Variants in VTI1A observed in about 807,000 individuals in gnomAD.
VTI1A encodes the protein vesicle transport through interaction with t-SNAREs homolog 1A.
VTI1A carries 22 observed loss-of-function variants against 34.9 expected under a neutral mutation model. That is an observed-to-expected ratio of 0.63 (90% confidence interval 0.45 to 0.90). The LOEUF is 0.90. Ranked by LOEUF, VTI1A falls within the 40% of genes least tolerant of loss-of-function variation. The pLI is 0.00. For synonymous variants in VTI1A, 87 were observed against 97.3 expected, an observed-to-expected ratio of 0.89 and a Z score of 0.62; for missense variants, 268 against 275.6, an observed-to-expected ratio of 0.97 and a Z score of 0.20.
At chr10:112,506,679 A>G (rs1261609600) in intron 3 of VTI1A, among the ~76,000 whole-genome samples, 1 of 152,124 alleles carries the variant, frequency 6.6e-6, no homozygotes, top group African/African-American at 2.4e-5. Flanking sequence ...TATTTACCCA[A>G]GTATTTACTC....
chr10:112,666,554 T>C (rs1289605947), intron 5 of VTI1A, among the ~76,000 whole-genome samples: 3 of 152,158 alleles, frequency 2.0e-5, no homozygotes, highest in Non-Finnish European at 4.4e-5. Flanking sequence ...TGGCACACAG[T>C]GGGGATTCAA....
chr10:112,722,626 T>C (rs1849853554), intron 7 of VTI1A, among the ~76,000 whole-genome samples: 1 of 152,184 alleles, frequency 6.6e-6, no homozygotes. Context: ...ATTTGTTTTT[T>C]AGTTTTGCAA....
At chr10:112,835,635 T>C in the VTI1A span, among the ~76,000 whole-genome samples, 7 of 152,350 alleles carry the variant, frequency 4.6e-5, no homozygotes, top group African/African-American at 1.7e-4. Context: ...GTTTTTTTCA[T>C]GTTTAAGGTT....
In VTI1A at chr10:112,770,785, T is replaced by C. The variant is rs192754227; in HGVS notation, c.561-44505T>C. Among the ~76,000 whole-genome samples, 238 of 152,184 alleles carry C rather than the reference T, an allele frequency of 1.6e-3. 4 individuals are homozygous for C. Among genetic ancestry groups the C allele is most frequent in the Non-Finnish European group, 3.5e-4 (24 of 68,016 alleles). Reference sequence around the variant, plus strand: ...TGCTTCTGCCATGTTTGTAGAAATATCTCCTTAAAACTCACCCAGTAGGTT... The same window carrying C: ...TGCTTCTGCCATGTTTGTAGAAATACCTCCTTAAAACTCACCCAGTAGGTT... On this transcript the variant is annotated intron_variant, in intron 7 of 7. Coordinates refer to ENST00000393077, the MANE Select transcript of VTI1A (RefSeq NM_145206.4).
chr10:112,669,723 A>C (rs1312654769), intron 7 of VTI1A, among the ~76,000 whole-genome samples: 1 of 152,174 alleles, frequency 6.6e-6, no homozygotes, highest in Non-Finnish European at 1.5e-5. Context: ...AAACATTGAG[A>C]ATGGCCTCTG....
At chr10:112,513,731 GT>G (rs34082432) in intron 3 of VTI1A, among the ~76,000 whole-genome samples, 142,481 of 151,948 alleles carry the variant, frequency 0.94, 66,923 homozygotes, top group African/African-American at 0.96. Context: ...ATCTGTTGAG[GT>G]TTTTTTATTA....
intron 7 of VTI1A, among the ~76,000 whole-genome samples, chr10:112,717,836 G>A (rs1849663910): frequency 6.6e-6 from 1 of 152,116 alleles, no homozygotes; most frequent in African/African-American, 2.4e-5. Context: ...AGACCAGTGG[G>A]GCAGGAAATA....
intron 5 of VTI1A, among the ~76,000 whole-genome samples, chr10:112,588,582 G>A (rs1844251678): frequency 3.3e-5 from 5 of 152,176 alleles, no homozygotes; most frequent in Admixed American, 3.3e-4. Flanking sequence ...CAAAGTGAGA[G>A]CAAAAAGAAG....
chr10:112,644,328 G>A lies in VTI1A; in HGVS notation c.428-23890G>A, dbSNP rs374873198. Among the ~76,000 whole-genome samples the A allele has an allele frequency of 4.6e-5, 7 of 152,268 alleles. No homozygotes were observed. In the South Asian group the frequency reaches 1.2e-3, roughly 27 times the overall value. On this transcript the variant is annotated intron_variant, in intron 5 of 7. Transcript: ENST00000393077. ...TGTTGTAGTTCCTAGCCTGGCAGGT[G>A]GTAATAATGCCTATGCCAGCACTGT...
intron 7 of VTI1A, among the ~76,000 whole-genome samples, 155 bp from the exon 8 acceptor site, chr10:112,815,135 G>GCACACACACACA (rs1853468888): frequency 1.8e-5 from 1 of 56,808 alleles, no homozygotes; most frequent in Non-Finnish European, 3.4e-5. Flanking sequence ...TCTCTTTCGC[G>GCACACACACACA]CGCGCACACA....
chr10:112,653,544 A>T (rs1234519303), intron 5 of VTI1A, among the ~76,000 whole-genome samples: 1 of 152,222 alleles, frequency 6.6e-6, no homozygotes, highest in African/African-American at 2.4e-5. Context: ...TGGGCAAATT[A>T]CTTAACTTCT....
At chr10:112,649,605 G>T (rs1355152659) in intron 5 of VTI1A, among the ~76,000 whole-genome samples, 2 of 152,114 alleles carry the variant, frequency 1.3e-5, no homozygotes, top group African/African-American at 4.8e-5. Flanking sequence ...CTGCCTTTTT[G>T]TTAAATATAG....
intron 5 of VTI1A, among the ~76,000 whole-genome samples, chr10:112,613,371 C>T (rs1250754652): frequency 6.6e-5 from 10 of 152,100 alleles, no homozygotes; most frequent in South Asian, 6.2e-4. Context: ...GAATATGTTT[C>T]GTTTCCCCCC....
the VTI1A span, among the ~76,000 whole-genome samples, chr10:112,833,426 C>T: frequency 6.6e-6 from 1 of 151,996 alleles, no homozygotes; most frequent in Non-Finnish European, 1.5e-5. Context: ...CACTAAGGAA[C>T]CAAGCAGAGG....
chr10:112,800,674 T>A (rs1374646519), intron 7 of VTI1A, among the ~76,000 whole-genome samples: 1 of 152,224 alleles, frequency 6.6e-6, no homozygotes. Context: ...CTTTGGAGCG[T>A]GCCAATTCCT....
chr10:112,813,893 G>A (rs1437782833), intron 7 of VTI1A, among the ~76,000 whole-genome samples: 2 of 152,196 alleles, frequency 1.3e-5, no homozygotes, highest in African/African-American at 4.8e-5. Flanking sequence ...AGGCACTAAG[G>A]CAGTTTTGCG....
intron 1 of VTI1A, 39 bp from the exon 2 acceptor site, chr10:112,460,485 G>T (rs1263139749): frequency 3.2e-6 from 5 of 1,551,862 alleles, no homozygotes; most frequent in Non-Finnish European, 4.4e-6. Context: ...AAATTTATTT[G>T]TATCTTTAGC....
chr10:112,840,573 A>G, the VTI1A span, among the ~76,000 whole-genome samples: 5 of 152,138 alleles, frequency 3.3e-5, no homozygotes, highest in Admixed American at 2.0e-4. Flanking sequence ...CTAGCACTCA[A>G]CAGGTGCTTA....
intron 2 of VTI1A, among the ~76,000 whole-genome samples, chr10:112,462,896 T>TTTTTTTTA (rs1554882330): frequency 1.2e-4 from 18 of 144,836 alleles, no homozygotes; most frequent in Middle Eastern, 3.6e-3. Flanking sequence ...TGTTACTGGT[T>TTTTTTTTA]TTTATTTATT....
Sources: allele counts gnomAD v4.1 joint callset (sites outside exome capture counted in the v4.1 genomes callset), GRCh38; gene constraint gnomAD v4.1.1; transcripts MANE v1.5; gene names NCBI Gene and HGNC (gene_info 2026-07-23, HGNC 2026-07-21).